The following FBXL20 variants were observed in gnomAD, a reference collection of about 807,000 sequenced individuals.
FBXL20 encodes the protein F-box and leucine rich repeat protein 20, also known as F-box/LRR-repeat protein 20.
In FBXL20, 11 loss-of-function variants were observed where a neutral mutation model predicts 64.0. That is an observed-to-expected ratio of 0.17 (90% CI 0.11 to 0.28). The LOEUF is 0.28. Ranked by LOEUF, FBXL20 falls within the 10% of genes least tolerant of loss-of-function variation. FBXL20 has a pLI of 1.00. For synonymous variants in FBXL20, 184 were observed against 189.0 expected, an observed-to-expected ratio of 0.97 and a Z score of 0.22; for missense variants, 303 against 526.2, an observed-to-expected ratio of 0.58 and a Z score of 4.15.
At chr17:39,282,303 A>G (rs1356236849) in intron 8 of FBXL20, among the ~76,000 whole-genome samples, 2 of 152,208 alleles carry the variant, frequency 1.3e-5, no homozygotes, top group Non-Finnish European at 2.9e-5. Context: ...TCAATACTAT[A>G]AAATGCAGGT....
intron 1 of FBXL20, among the ~76,000 whole-genome samples, chr17:39,400,183 GCAACAGTAA>G (rs772628151): frequency 2.6e-5 from 4 of 152,086 alleles, no homozygotes; most frequent in Non-Finnish European, 4.4e-5. Context: ...CTCCTGAAGT[GCAACAGTAA>G]CACTGAAGCT....
intron 1 of FBXL20, among the ~76,000 whole-genome samples, chr17:39,400,276 CATA>C (rs896225988): frequency 2.0e-5 from 3 of 152,164 alleles, no homozygotes; most frequent in African/African-American, 4.8e-5. Context: ...TCCCAGTTCG[CATA>C]ATAAGAAATC....
At chr17:39,398,965 G>A (rs151211642) in intron 1 of FBXL20, among the ~76,000 whole-genome samples, 2,479 of 152,162 alleles carry the variant, frequency 0.016, 73 homozygotes, top group African/African-American at 0.057. Flanking sequence ...GAGCCACCTC[G>A]CCCGGCCCCT....
At chr17:39,359,883 A>G (rs2047777716) in intron 1 of FBXL20, among the ~76,000 whole-genome samples, 1 of 152,240 alleles carries the variant, frequency 6.6e-6, no homozygotes, top group African/African-American at 2.4e-5. Flanking sequence ...GGTGTCCAAC[A>G]GATGAATGAA....
At chr17:39,329,480 G>GA (rs1221300375) in intron 2 of FBXL20, among the ~76,000 whole-genome samples, 1 of 152,082 alleles carries the variant, frequency 6.6e-6, no homozygotes, top group Non-Finnish European at 1.5e-5. Context: ...GGATATAAAT[G>GA]AAAAAATATT....
At position 39,401,440 on chromosome 17, in the gene FBXL20, G is replaced by A. The variant is rs753459925; in HGVS notation, c.-38C>T. ...TGCGGCCCGGGCCGGGCGCTGCGGC[G>A]AGCGGAGTGCACAGACCGGGGGCCC... is the stretch of plus-strand genomic sequence containing the variant. On this transcript the variant is annotated 5_prime_UTR_variant, in exon 1 of 15. Coordinates refer to ENST00000264658, the MANE Select transcript of FBXL20 (RefSeq NM_032875.3). 3 of 1,567,608 alleles carry A rather than the reference G, an allele frequency of 1.9e-6. No individual in the cohort carries two copies. The highest frequency in any genetic ancestry group is 1.7e-6 in the Non-Finnish European group (2 of 1,158,104).
At chr17:39,351,022 C>T (rs1259552052) in intron 1 of FBXL20, among the ~76,000 whole-genome samples, 1 of 152,050 alleles carries the variant, frequency 6.6e-6, no homozygotes, top group Admixed American at 6.6e-5. Flanking sequence ...CTTGAAGTGA[C>T]ACAGCAATAG....
At position 39,303,641 on chromosome 17, in the gene FBXL20, TA is replaced by T; in HGVS notation, c.105-3del. 1 of 1,606,952 alleles carries T rather than the reference TA, an allele frequency of 6.2e-7. No individual in the cohort carries two copies. On this transcript the variant is annotated splice_region_variant and splice_polypyrimidine_tract_variant and intron_variant, in intron 2 of 14. Coordinates refer to ENST00000264658, the MANE Select transcript of FBXL20 (RefSeq NM_032875.3). ...ACAACATCTAGAAAAGAAAATATCCTAAAAAGAAAAGAGAGAAAGACAAATT... is the reference window on the plus strand; with the variant it reads ...ACAACATCTAGAAAAGAAAATATCCTAAAAGAAAAGAGAGAAAGACAAATT...
At chr17:39,295,437 G>T (rs1466574218) in intron 6 of FBXL20, among the ~76,000 whole-genome samples, 1 of 151,968 alleles carries the variant, frequency 6.6e-6, no homozygotes, top group Non-Finnish European at 1.5e-5. Context: ...TTTGCTTTTA[G>T]TAGAGATGGG....
intron 6 of FBXL20, among the ~76,000 whole-genome samples, chr17:39,288,423 T>C (rs956813384): frequency 3.3e-5 from 5 of 152,188 alleles, no homozygotes; most frequent in African/African-American, 7.2e-5. Flanking sequence ...TTATTAGATA[T>C]ATGACCTGCA....
At chr17:39,391,881 C>T (rs1345004378) in intron 1 of FBXL20, among the ~76,000 whole-genome samples, 2 of 149,802 alleles carry the variant, frequency 1.3e-5, no homozygotes, top group African/African-American at 4.9e-5. Context: ...TGGTGGCTCA[C>T]GCCTGTAATC....
chr17:39,309,113 G>A (rs2047209231), intron 2 of FBXL20, among the ~76,000 whole-genome samples: 2 of 152,066 alleles, frequency 1.3e-5, no homozygotes, highest in Non-Finnish European at 1.5e-5. Flanking sequence ...CACTATTCTT[G>A]TTGCACTTTA....
At chr17:39,319,805 G>A (rs1597795668) in intron 2 of FBXL20, among the ~76,000 whole-genome samples, 1 of 150,880 alleles carries the variant, frequency 6.6e-6, no homozygotes, top group East Asian at 1.9e-4. Context: ...ATAGAGACCG[G>A]GTCTCGCTGT....
intron 1 of FBXL20, among the ~76,000 whole-genome samples, chr17:39,397,990 G>A (rs565120415): frequency 5.4e-5 from 8 of 148,972 alleles, no homozygotes; most frequent in South Asian, 2.2e-4. Flanking sequence ...GTAACTAGCC[G>A]GGTGCGGTGG....
intron 2 of FBXL20, among the ~76,000 whole-genome samples, chr17:39,314,796 T>TTTC (rs386386042): frequency 1.6e-5 from 1 of 63,660 alleles, no homozygotes; most frequent in Admixed American, 1.7e-4. Context: ...TATCCTTTTC[T>TTTC]TTTTTTTTTT....
At chr17:39,263,761 AG>A (rs2046768168) in intron 14 of FBXL20, 2 of 161,796 alleles carry the variant, frequency 1.2e-5, no homozygotes, top group African/African-American at 4.8e-5. Context: ...TATGAATCCC[AG>A]GAAGAGGGCT....
intron 6 of FBXL20, among the ~76,000 whole-genome samples, chr17:39,290,434 G>A (rs1403854723): frequency 6.6e-6 from 1 of 152,056 alleles, no homozygotes; most frequent in Non-Finnish European, 1.5e-5. Flanking sequence ...GGTAAGACCT[G>A]ATATCCTTGC....
rs971162167 is a variant in FBXL20 at position 39,349,589 on chromosome 17, G to GA, written c.43-6349dup. 4.0e-4 allele frequency among the ~76,000 whole-genome samples: 59 copies of GA among 147,064 alleles called. No individual in the cohort carries two copies. The South Asian group carries it at 4.5e-3, about 11-fold the overall frequency. On this transcript the variant is annotated intron_variant, in intron 1 of 14. Coordinates refer to ENST00000264658, the MANE Select transcript of FBXL20 (RefSeq NM_032875.3). ...GTAAAACAGTGAGACCCCACCTCTG[G>GA]AAAAAAAAAATAAGAAAATTCCACA...
chr17:39,324,625 C>T (rs1327256588), intron 2 of FBXL20, among the ~76,000 whole-genome samples: 1 of 152,090 alleles, frequency 6.6e-6, no homozygotes, highest in Non-Finnish European at 1.5e-5. Context: ...CACCTAACTA[C>T]TATAAAAACA....
Sources: gnomAD v4.1 joint callset for allele counts (sites outside exome capture counted in the v4.1 genomes callset) on GRCh38, gnomAD v4.1.1 for gene constraint, MANE v1.5 for transcripts, NCBI Gene and HGNC (gene_info 2026-07-23, HGNC 2026-07-21) for gene names.